FBXO38: variants seen among roughly 807,000 people sequenced by gnomAD.
FBXO38 encodes F-box protein 38, also known as F-box only protein 38.
FBXO38 carries 53 observed loss-of-function variants against 131.9 expected under a neutral mutation model. The ratio of observed to expected loss-of-function variants is 0.40; its 90% CI spans 0.32 to 0.51. FBXO38 has a LOEUF of 0.51. Ranked by LOEUF, FBXO38 falls within the 20% of genes least tolerant of loss-of-function variation. The pLI is 0.53. For missense variants in FBXO38, 1,076 were observed against 1,475.6 expected (o/e 0.73, Z 4.44); for synonymous variants, 452 against 505.6 (o/e 0.89, Z 1.42).
At chr5:148,391,974 T>C (rs1413996749) in intron 1 of FBXO38, among the ~76,000 whole-genome samples, 1 of 152,196 alleles carries the variant, frequency 6.6e-6, no homozygotes, top group Non-Finnish European at 1.5e-5. Flanking sequence ...TTTAAAATTA[T>C]GTTGTTGTTA....
rs568818348 is a variant in FBXO38 at position 148,415,080 on chromosome 5, ATAG to A, written c.1264+776_1264+778del. Reference sequence around the variant, plus strand: ...ACCTCTGCTGAGATCACTCGTTAATATAGTCATGTCTCATGTGCCAGCAGCAGT... The same window carrying A: ...ACCTCTGCTGAGATCACTCGTTAATATCATGTCTCATGTGCCAGCAGCAGT... On this transcript the variant is annotated intron_variant, in intron 10 of 21. Transcript: ENST00000340253. 1.5e-3 allele frequency among the ~76,000 whole-genome samples: 224 copies of A among 152,254 alleles called. 1 individual carries two copies. Among genetic ancestry groups the A allele is most frequent in the Middle Eastern group, 3.4e-3 (1 of 294 alleles).
intron 15 of FBXO38, among the ~76,000 whole-genome samples, chr5:148,432,781 G>A (rs546520409): frequency 5.3e-5 from 8 of 152,170 alleles, no homozygotes; most frequent in Admixed American, 2.0e-4. Context: ...TGCCTTTAAC[G>A]AGCTGTTATG....
rs192558532 is a variant in FBXO38 at position 148,398,942 on chromosome 5, C to A, written c.129-57C>A. The A allele has an allele frequency of 3.1e-4, 495 of 1,578,652 alleles. 1 individual carries two copies. Among genetic ancestry groups the A allele is most frequent in the Admixed American group, 1.2e-3 (69 of 56,688 alleles). On this transcript the variant is annotated intron_variant, in intron 2 of 21. Coordinates refer to ENST00000340253, the MANE Select transcript of FBXO38 (RefSeq NM_205836.3). ...GGAAGAAGGAAAAAAAAATAACTTACTGGTGAGAAGTAATACTTATCCACT... is the reference window on the plus strand; with the variant it reads ...GGAAGAAGGAAAAAAAAATAACTTAATGGTGAGAAGTAATACTTATCCACT...
At position 148,438,318 on chromosome 5, in the gene FBXO38, T is replaced by C; in HGVS notation, c.2858-14T>C. The C allele has an allele frequency of 6.2e-7, 1 of 1,613,156 alleles. No homozygotes were observed. On this transcript the variant is annotated splice_polypyrimidine_tract_variant and intron_variant, in intron 17 of 21. Transcript: ENST00000340253. Reference sequence around the variant, plus strand: ...ATGATATGTACGGAGCTTACCATTGTTTTCATTTTGTAGCTACCAGGTGCA... The same window carrying C: ...ATGATATGTACGGAGCTTACCATTGCTTTCATTTTGTAGCTACCAGGTGCA...
chr5:148,419,565 C>T (rs563927362), intron 12 of FBXO38, among the ~76,000 whole-genome samples: 1 of 152,318 alleles, frequency 6.6e-6, no homozygotes, highest in Non-Finnish European at 1.5e-5. Flanking sequence ...AACATGTTGA[C>T]TCTCCTTGAT....
intron 2 of FBXO38, 91 bp downstream of exon 2, chr5:148,394,995 T>TG: frequency 1.7e-6 from 2 of 1,211,514 alleles, no homozygotes; most frequent in Middle Eastern, 4.1e-4. Flanking sequence ...ACCAGCTACA[T>TG]GCAGCATTTA....
chr5:148,393,322 C>G (rs1758311893), intron 1 of FBXO38, among the ~76,000 whole-genome samples: 1 of 151,886 alleles, frequency 6.6e-6, no homozygotes, highest in African/African-American at 2.4e-5. Context: ...CACACACACA[C>G]AGGCAGAAGA....
At chr5:148,428,570 A>C (rs1046469823) in intron 15 of FBXO38, among the ~76,000 whole-genome samples, 1 of 152,200 alleles carries the variant, frequency 6.6e-6, no homozygotes, top group Non-Finnish European at 1.5e-5. Flanking sequence ...CATATTTATT[A>C]ATCATAAGTC....
At chr5:148,395,472 G>GTT (rs5742007) in intron 2 of FBXO38, among the ~76,000 whole-genome samples, 2 of 147,114 alleles carry the variant, frequency 1.4e-5, no homozygotes, top group African/African-American at 2.5e-5. Flanking sequence ...TATAACAACT[G>GTT]TTTTTTTTTT....
intron 20 of FBXO38, 31 bp from the exon 21 acceptor site, chr5:148,441,093 G>C: frequency 6.5e-7 from 1 of 1,535,870 alleles, no homozygotes; most frequent in Admixed American, 1.7e-5. Context: ...GCACTCCCAC[G>C]CCAGTTAGCA....
At chr5:148,403,657 A>C (rs886684400) in intron 5 of FBXO38, among the ~76,000 whole-genome samples, 1 of 152,170 alleles carries the variant, frequency 6.6e-6, no homozygotes, top group African/African-American at 2.4e-5. Flanking sequence ...GTTCAAACTA[A>C]ATTTAACTCT....
chr5:148,437,043 C>T (rs144139471), intron 17 of FBXO38, among the ~76,000 whole-genome samples: 113 of 152,356 alleles, frequency 7.4e-4, no homozygotes, highest in Admixed American at 4.6e-3. Flanking sequence ...GTCGGCATCT[C>T]GTTCCATTCC....
chr5:148,427,296 A>G lies in FBXO38; in HGVS notation c.2002A>G (p.Ser668Gly). Residue 668 changes from serine (S) to glycine (G), a missense_variant, in exon 15 of 22, where the codon AGC (serine) becomes GGC (glycine). This residue lies in a region of FBXO38 where 212 missense variants were observed against 221.2 expected (regional missense o/e 0.96). Coordinates refer to ENST00000340253, the MANE Select transcript of FBXO38 (RefSeq NM_205836.3). Reference sequence around the variant, plus strand: ...GTCGAAGCAGTTTCCCCTCGAGGAAAGCAGCTGTGAGAAAGGCTGTCAGGT... The same window carrying G: ...GTCGAAGCAGTTTCCCCTCGAGGAAGGCAGCTGTGAGAAAGGCTGTCAGGT... ...GQSKQFPLEE[S>G]SCEKGCQVTS... The G allele has an allele frequency of 2.5e-6, 4 of 1,614,176 alleles. No individual in the cohort carries two copies. Among genetic ancestry groups the G allele is most frequent in the Non-Finnish European group, 3.4e-6 (4 of 1,180,020 alleles).
At chr5:148,398,854 CGTATGTGTG>C in intron 2 of FBXO38, 136 bp from the exon 3 acceptor site, 1 of 879,822 alleles carries the variant, frequency 1.1e-6, no homozygotes, top group South Asian at 1.7e-5. Flanking sequence ...GCTGTATGAC[CGTATGTGTG>C]GTAGCTTTAA....
rs151111063 is a variant in FBXO38 at position 148,414,520 on chromosome 5, A to T, written c.1264+214A>T. ...TGACGTTCTCTGCCTAGAAGTGTATACTCTCCAGGTTGTGGATTCAAGTGC... is the reference window on the plus strand; with the variant it reads ...TGACGTTCTCTGCCTAGAAGTGTATTCTCTCCAGGTTGTGGATTCAAGTGC... On this transcript the variant is annotated intron_variant, in intron 10 of 21. Transcript: ENST00000340253. 9.5e-3 allele frequency among the ~76,000 whole-genome samples: 1,438 copies of T among 152,068 alleles called. 11 individuals are homozygous for T. Among genetic ancestry groups the T allele is most frequent in the Middle Eastern group, 0.021 (6 of 290 alleles).
chr5:148,431,527 A>T (rs1754042377), intron 15 of FBXO38, among the ~76,000 whole-genome samples: 1 of 152,202 alleles, frequency 6.6e-6, no homozygotes. Context: ...TGAAAATCAG[A>T]TCATAAAAGT....
At position 148,394,752 on chromosome 5, in the gene FBXO38, C is replaced by A; in HGVS notation, c.-25C>A. 1.3e-6 allele frequency: 2 copies of A among 1,481,752 alleles called. No homozygotes were observed. The highest frequency in any genetic ancestry group is 1.8e-6 in the Non-Finnish European group (2 of 1,113,976). The allele number at this position is 1,481,752 out of a possible 1,614,324, so 91.8% of individuals were successfully genotyped here. A position where few individuals can be genotyped will look rare whatever the true frequency, so the allele number is the denominator to read the frequency against. ...AAGTAAACAAAAGGGAAGATTTTCT[C>A]GTTGATACTGGAGACTGCACAACAA... On this transcript the variant is annotated 5_prime_UTR_variant, in exon 2 of 22. Transcript: ENST00000340253.
intron 1 of FBXO38, among the ~76,000 whole-genome samples, chr5:148,391,419 TGAA>T (rs909703666): frequency 1.3e-5 from 2 of 152,192 alleles, no homozygotes; most frequent in African/African-American, 4.8e-5. Flanking sequence ...GGAGCTCAAA[TGAA>T]GGAGTCAGTA....
intron 8 of FBXO38, 164 bp from the exon 9 acceptor site, chr5:148,410,471 C>A: frequency 2.5e-6 from 2 of 796,224 alleles, no homozygotes; most frequent in South Asian, 1.8e-5. Context: ...GAGGCCTCCC[C>A]AGCCATGTGG....
Sources: allele counts gnomAD v4.1 joint callset (sites outside exome capture counted in the v4.1 genomes callset), GRCh38; gene constraint gnomAD v4.1.1; regional missense constraint gnomAD v4.1.1; transcripts MANE v1.5; gene names NCBI Gene and HGNC (gene_info 2026-07-23, HGNC 2026-07-21).